The following VPS13B variants were observed in gnomAD, a reference collection of about 807,000 sequenced individuals.
VPS13B encodes vacuolar protein sorting 13 homolog B.
In VPS13B, 285 loss-of-function variants were observed where a neutral mutation model predicts 426.4. The ratio of observed to expected loss-of-function variants is 0.67; its 90% confidence interval spans 0.61 to 0.74. The LOEUF (loss-of-function observed/expected upper bound fraction) is 0.74. VPS13B is among the 30% of genes least tolerant of loss of function. The probability of loss-of-function intolerance (pLI) is 0.00; values close to 1 mark genes in which losing one functional copy is unlikely to be tolerated. For synonymous variants in VPS13B, 1,676 were observed against 1,676.4 expected, an observed-to-expected ratio of 1.00 and a Z score of 0.01; for missense variants, 4,537 against 4,782.6, an observed-to-expected ratio of 0.95 and a Z score of 1.51.
intron 15 of VPS13B, among the ~76,000 whole-genome samples, chr8:99,164,501 A>C (rs923737536): frequency 6.6e-6 from 1 of 152,156 alleles, no homozygotes; most frequent in African/African-American, 2.4e-5. Flanking sequence ...TTGGAGAGTC[A>C]CTGCTGCCAA....
At chr8:99,682,899 T>C (rs1044934543) in intron 35 of VPS13B, among the ~76,000 whole-genome samples, 2 of 152,182 alleles carry the variant, frequency 1.3e-5, no homozygotes, top group African/African-American at 4.8e-5. Flanking sequence ...CTTAGGAATC[T>C]ACTTGGTGCT....
intron 19 of VPS13B, chr8:99,347,851 CCACACTGTAGTT>C (rs1811624906): frequency 6.6e-6 from 1 of 152,212 alleles, no homozygotes; most frequent in Non-Finnish European, 1.5e-5. Flanking sequence ...TTCTAAAAGC[CCACACTGTAGTT>C]CACATCTGCA....
intron 36 of VPS13B, among the ~76,000 whole-genome samples, chr8:99,700,654 T>C (rs1288165256): frequency 6.6e-6 from 1 of 152,160 alleles, no homozygotes; most frequent in Non-Finnish European, 1.5e-5. Flanking sequence ...ATGTGAGAAA[T>C]CAACTGGCAG....
chr8:99,738,325 A>T (rs930313411), intron 39 of VPS13B, among the ~76,000 whole-genome samples: 1 of 152,254 alleles, frequency 6.6e-6, no homozygotes, highest in African/African-American at 2.4e-5. Context: ...AGCCATTTCA[A>T]TGCAAATTCC....
chr8:99,326,452 C>CTTTTTTATTTTT (rs1810270142), intron 19 of VPS13B, among the ~76,000 whole-genome samples: 1 of 32,518 alleles, frequency 3.1e-5, no homozygotes, highest in Non-Finnish European at 5.2e-5. Flanking sequence ...CTCTAGGTAG[C>CTTTTTTATTTTT]TTTTTTTTTT....
At chr8:99,178,976 G>C (rs1396540030) in intron 16 of VPS13B, among the ~76,000 whole-genome samples, 2 of 152,056 alleles carry the variant, frequency 1.3e-5, no homozygotes, top group African/African-American at 2.4e-5. Flanking sequence ...TTGATTAATA[G>C]CTATTAATAG....
chr8:99,784,349 G>T lies in VPS13B; in HGVS notation c.7814G>T (p.Ser2605Ile). 6.2e-7 allele frequency: 1 copy of T among 1,613,706 alleles called. No homozygotes were observed. The highest frequency in any genetic ancestry group is 8.5e-7 in the Non-Finnish European group (1 of 1,179,692). The change falls in exon 43 of 62, where the codon AGC becomes ATC. Residue 2605 changes from serine (S) to isoleucine (I), a missense_variant. Around this residue, in one of 2 missense-constraint regions of VPS13B, gnomAD observed 4,311 missense variants for 4,474.3 expected, o/e 0.96. Coordinates refer to ENST00000357162, the MANE Select transcript of VPS13B (RefSeq NM_152564.5). ...CCTGAGGTAGAGGAGTTGGTCTTCA[G>T]CCATTTTGTGATCTGTAATGACACA... ...KCPEVEELVF[S>I]HFVICNDTQE... is the part of the protein sequence containing the mutation.
chr8:99,222,539 G>T (rs1268409863), intron 17 of VPS13B, among the ~76,000 whole-genome samples: 1 of 151,984 alleles, frequency 6.6e-6, no homozygotes, highest in Non-Finnish European at 1.5e-5. Flanking sequence ...AGGGTAACAG[G>T]GTTTTCTAAT....
chr8:99,748,080 A>G (rs1404643876), intron 39 of VPS13B, among the ~76,000 whole-genome samples: 1 of 152,024 alleles, frequency 6.6e-6, no homozygotes, highest in East Asian at 1.9e-4. Flanking sequence ...TGCCACCTAT[A>G]ACCTGTAATG....
intron 27 of VPS13B, among the ~76,000 whole-genome samples, chr8:99,505,112 T>C (rs1448333615): frequency 1.3e-5 from 2 of 152,200 alleles, no homozygotes; most frequent in Non-Finnish European, 2.9e-5. Context: ...TTTATAGAAT[T>C]GAAGAGAGTT....
At chr8:99,583,267 G>C (rs924577790) in intron 33 of VPS13B, among the ~76,000 whole-genome samples, 5 of 152,004 alleles carry the variant, frequency 3.3e-5, no homozygotes, top group Non-Finnish European at 7.4e-5. Context: ...AAAATCTAGG[G>C]AACAATAAAA....
At chr8:99,836,033 T>C (rs951296777) in intron 54 of VPS13B, among the ~76,000 whole-genome samples, 1 of 152,214 alleles carries the variant, frequency 6.6e-6, no homozygotes, top group South Asian at 2.1e-4. Context: ...CTTATTTAGA[T>C]AGAACATAGT....
Position 99,853,676 on chromosome 8 carries a change from A to G in VPS13B, c.10287A>G (p.Leu3429=). 6.2e-7 allele frequency: 1 copy of G among 1,614,246 alleles called. No individual in the cohort carries two copies. Residue 3429 remains leucine, a synonymous_variant, in exon 56 of 62, where the codon CTA becomes CTG. Transcript: ENST00000357162. ...AGATCTGCTGTGGGGACCTGCAGCTAGACAACCAGCTTTATAACAAGTCCA... is the reference window on the plus strand; with the variant it reads ...AGATCTGCTGTGGGGACCTGCAGCTGGACAACCAGCTTTATAACAAGTCCA... ...CVEICCGDLQ[L]DNQLYNKSNF...
At position 99,402,001 on chromosome 8, in the gene VPS13B, C is replaced by T. The variant is rs538957722; in HGVS notation, c.3082+10297C>T. ...GAACACCCTATGGGTGTTCTTGTAG[C>T]TTTGTGCACCACATATTTTGGAGAA... On this transcript the variant is annotated intron_variant, in intron 21 of 61. Coordinates refer to ENST00000357162, the MANE Select transcript of VPS13B (RefSeq NM_152564.5). Among the ~76,000 whole-genome samples the T allele has an allele frequency of 3.3e-4, 51 of 152,254 alleles. No homozygotes were observed. In the East Asian group the frequency reaches 9.8e-3, roughly 29 times the overall value.
chr8:99,696,974 G>T, intron 35 of VPS13B: 1 of 627,468 alleles, frequency 1.6e-6, no homozygotes, highest in Admixed American at 2.2e-5. Flanking sequence ...ACGTCAAGGG[G>T]CTGCAGCCGG....
At chr8:99,175,304 A>G (rs779788674) in intron 16 of VPS13B, among the ~76,000 whole-genome samples, 2 of 152,202 alleles carry the variant, frequency 1.3e-5, no homozygotes, top group African/African-American at 2.4e-5. Flanking sequence ...GTTTCTTTCA[A>G]TAACTATATT....
In VPS13B at chr8:99,832,640, G is replaced by A. The variant is rs779766784; in HGVS notation, c.9602G>A (p.Gly3201Glu). Residue 3201 changes from glycine to glutamate, a missense_variant, in exon 52 of 62, where the codon GGA becomes GAA. Gly to Glu is a moderately conservative substitution (Grantham distance 98). Around this residue, in one of 2 missense-constraint regions of VPS13B, gnomAD observed 4,311 missense variants for 4,474.3 expected, o/e 0.96. Coordinates refer to ENST00000357162, the MANE Select transcript of VPS13B (RefSeq NM_152564.5). ...AVPLGNFREN[G>E]FCTRAIVLTY... ...CCCCTCGGGAATTTCCGGGAAAATGGATTCTGTACCAGGTATTTTATGTTT... is the reference window on the plus strand; with the variant it reads ...CCCCTCGGGAATTTCCGGGAAAATGAATTCTGTACCAGGTATTTTATGTTT... 1 of 1,613,670 alleles carries A rather than the reference G, an allele frequency of 6.2e-7. No individual in the cohort carries two copies. Among genetic ancestry groups the A allele is most frequent in the South Asian group, 1.1e-5 (1 of 91,056 alleles).
At position 99,253,196 on chromosome 8, in the gene VPS13B, T is replaced by C. The variant is rs546258335; in HGVS notation, c.2516-21002T>C. 1.2e-4 allele frequency among the ~76,000 whole-genome samples: 19 copies of C among 152,334 alleles called. No homozygotes were observed. The East Asian group carries it at 3.7e-3, about 29-fold the overall frequency. On this transcript the variant is annotated intron_variant, in intron 17 of 61. Coordinates refer to ENST00000357162, the MANE Select transcript of VPS13B (RefSeq NM_152564.5). The stretch of plus-strand genomic sequence containing the variant: ...ATTTCTTTTTATGGCTGAATAATAT[T>C]TCATAGTATGGTTATATTACATTTT...
At chr8:99,612,757 A>G (rs1195182280) in intron 33 of VPS13B, among the ~76,000 whole-genome samples, 1 of 152,224 alleles carries the variant, frequency 6.6e-6, no homozygotes, top group Non-Finnish European at 1.5e-5. Flanking sequence ...CATTTAGAGG[A>G]TTAGGACCAG....
Sources: allele counts gnomAD v4.1 joint callset (sites outside exome capture counted in the v4.1 genomes callset), GRCh38; gene constraint gnomAD v4.1.1; regional missense constraint gnomAD v4.1.1; transcripts MANE v1.5; gene names NCBI Gene and HGNC (gene_info 2026-07-23, HGNC 2026-07-21).